Variants in RRN3 observed in about 807,000 individuals in gnomAD.
RRN3 encodes the protein RNA polymerase I transcription factor RRN3, also known as RNA polymerase I-specific transcription initiation factor RRN3.
A neutral mutation model predicts 82.3 loss-of-function variants in RRN3; 38 were observed. The ratio of observed to expected loss-of-function variants is 0.46; its 90% CI spans 0.36 to 0.61. The LOEUF is 0.61. Ranked by LOEUF, RRN3 falls within the 20% of genes least tolerant of loss-of-function variation. The pLI, the probability that RRN3 is intolerant of heterozygous loss-of-function variation, is 0.00. For synonymous variants in RRN3, 284 were observed against 284.3 expected, an observed-to-expected ratio of 1.00 and a Z score of 0.01; for missense variants, 726 against 793.1, an observed-to-expected ratio of 0.92 and a Z score of 1.02.
At chr16:15,075,206 C>T (rs1414808760) in intron 10 of RRN3, among the ~76,000 whole-genome samples, 3 of 144,918 alleles carry the variant, frequency 2.1e-5, no homozygotes, top group East Asian at 4.4e-4. Flanking sequence ...GAGCCGAGTT[C>T]GTGTGCTCCA....
At chr16:15,075,854 TG>T (rs1338190402) in intron 10 of RRN3, among the ~76,000 whole-genome samples, 2 of 152,160 alleles carry the variant, frequency 1.3e-5, no homozygotes, top group Admixed American at 1.3e-4. Context: ...CTGTGAGTAC[TG>T]GCGGCCAATA....
In RRN3 at chr16:15,071,245, C is replaced by T. The variant is rs552069961; in HGVS notation, c.1135G>A (p.Ala379Thr). The T allele has an allele frequency of 1.7e-5, 27 of 1,607,134 alleles. 1 individual carries two copies. In the East Asian group the frequency reaches 2.0e-4, roughly 12 times the overall value. ...FYLCSFKLGFAEAFLEHLWKK... is the reference protein window; with the variant it reads ...FYLCSFKLGFTEAFLEHLWKK... Reference sequence around the variant, plus strand: ...CAGAGATGTTCCAAAAATGCCTCTGCGAATCCCTATAAAAAGAGAGGGCGT... The same window carrying T: ...CAGAGATGTTCCAAAAATGCCTCTGTGAATCCCTATAAAAAGAGAGGGCGT... Residue 379 changes from alanine to threonine, a missense_variant, in exon 13 of 18, where the codon GCA (alanine) becomes ACA (threonine). Coordinates refer to ENST00000198767, the MANE Select transcript of RRN3 (RefSeq NM_018427.5).
intron 13 of RRN3, 85 bp from the exon 14 acceptor site, chr16:15,070,339 A>C: frequency 7.9e-7 from 1 of 1,263,818 alleles, no homozygotes; most frequent in Non-Finnish European, 1.1e-6. Flanking sequence ...CTTTCATTAC[A>C]AACCATGCTA....
In RRN3 at chr16:15,074,722, C is replaced by T; in HGVS notation, c.997+1G>A. 6.2e-7 allele frequency: 1 copy of T among 1,610,612 alleles called. No homozygotes were observed. ...AATAAACAGTAGCTACTGTGATTTA[C>T]CATCTACATAGCAGACATCCTTCAT... On this transcript the variant is annotated splice_donor_variant, in intron 11 of 17. Coordinates refer to ENST00000198767, the MANE Select transcript of RRN3 (RefSeq NM_018427.5). LOFTEE classifies it high-confidence loss of function.
At chr16:15,083,185 G>C (rs928588333) in intron 8 of RRN3, among the ~76,000 whole-genome samples, 1 of 152,208 alleles carries the variant, frequency 6.6e-6, no homozygotes, top group Admixed American at 6.5e-5. Context: ...CAGATCACAA[G>C]GTCAGGCGTT....
chr16:15,069,935 T>G, intron 14 of RRN3, 135 bp downstream of exon 14: 1 of 1,289,960 alleles, frequency 7.8e-7, no homozygotes. Context: ...CTTGAAATTA[T>G]TATTAAAAGT....
At chr16:15,088,585 C>T (rs1363036149) in intron 3 of RRN3, among the ~76,000 whole-genome samples, 3 of 151,860 alleles carry the variant, frequency 2.0e-5, no homozygotes. Context: ...AAGAAAATGT[C>T]CCTTTGTATC....
intron 2 of RRN3, 102 bp downstream of exon 2, chr16:15,092,407 G>T: frequency 5.5e-6 from 4 of 731,328 alleles, no homozygotes. Flanking sequence ...ATTTCAACTG[G>T]TATCTTAATT....
rs1567228583 is a variant in RRN3, at chr16:15,091,317, T to C, written c.250A>G (p.Lys84Glu). 2 of 1,601,726 alleles carry C rather than the reference T, an allele frequency of 1.2e-6. No individual in the cohort carries two copies. The highest frequency in any genetic ancestry group is 1.7e-6 in the Non-Finnish European group (2 of 1,173,236). Residue 84 changes from lysine (K) to glutamate (E), a missense_variant and splice_region_variant, in exon 3 of 18, where the codon AAG becomes GAG. Lys to Glu is a moderately conservative substitution (Grantham distance 56). Coordinates refer to ENST00000198767, the MANE Select transcript of RRN3 (RefSeq NM_018427.5). Reference protein sequence around the residue: ...LKNQLLDPDIKDDQIINWLLE... With the variant: ...LKNQLLDPDIEDDQIINWLLE... ...TGATCAAACACAAAATTAATTACCT[T>C]TATGTCTGGATCTAACAGCTGGTTC...
Position 15,084,723 on chromosome 16 carries a change from C to T in RRN3, c.533-18G>A, listed in dbSNP as rs1308456381. 6.2e-7 allele frequency: 1 copy of T among 1,602,138 alleles called. No homozygotes were observed. Among genetic ancestry groups the T allele is most frequent in the Non-Finnish European group, 8.6e-7 (1 of 1,169,328 alleles). On this transcript the variant is annotated intron_variant, in intron 6 of 17. Coordinates refer to ENST00000198767, the MANE Select transcript of RRN3 (RefSeq NM_018427.5). Reference sequence around the variant, plus strand: ...AGGAAGATCTGAAAGGAGAAAAGTTCAGAGTATGAGCATCAAAACAAAACT... The same window carrying T: ...AGGAAGATCTGAAAGGAGAAAAGTTTAGAGTATGAGCATCAAAACAAAACT...
intron 15 of RRN3, among the ~76,000 whole-genome samples, chr16:15,066,526 G>C (rs1264822747): frequency 5.9e-5 from 9 of 151,706 alleles, no homozygotes. Flanking sequence ...CCAGCTATTC[G>C]GGAGGCTGAG....
chr16:15,073,030 T>C lies in RRN3; in HGVS notation c.1048A>G (p.Ile350Val). The C allele has an allele frequency of 1.9e-6, 3 of 1,613,292 alleles. No homozygotes were observed. In the South Asian group the frequency reaches 3.3e-5, roughly 18 times the overall value. The change falls in exon 12 of 18, where the codon ATC becomes GTC. Residue 350 changes from isoleucine to valine, a missense_variant. This residue lies in a region of RRN3 where 344 missense variants were observed against 394.5 expected (regional missense o/e 0.87). Transcript: ENST00000198767. ...TKDLYRDLIN[I>V]FDKLLLPTHA... ...GTGGGCAACAGGAGTTTGTCAAAGA[T>C]GTTTATCAGGTCGCGATATAGATCC...
intron 14 of RRN3, 65 bp from the exon 15 acceptor site, chr16:15,068,342 T>A: frequency 2.0e-5 from 30 of 1,511,204 alleles, no homozygotes; most frequent in Non-Finnish European, 2.6e-5. Flanking sequence ...TAAGATACTT[T>A]TAAAAGCACA....
intron 7 of RRN3, among the ~76,000 whole-genome samples, chr16:15,083,963 G>A (rs1474313650): frequency 1.6e-4 from 25 of 152,274 alleles, no homozygotes; most frequent in African/African-American, 3.9e-4. Context: ...TGATCCGCCC[G>A]CCTCGGCCTC....
At position 15,091,427 on chromosome 16, in the gene RRN3, C is replaced by T. The variant is rs549369699; in HGVS notation, c.196-56G>A. The T allele has an allele frequency of 2.4e-6, 3 of 1,225,480 alleles. No individual in the cohort carries two copies. The African/African-American group carries it at 4.5e-5, about 18-fold the overall frequency. 75.9% of individuals were successfully genotyped at this position (1,225,480 alleles called of 1,614,324 possible). A position where few individuals can be genotyped will look rare whatever the true frequency, so the allele number is the denominator to read the frequency against. Reference sequence around the variant, plus strand: ...GCTTTTGTTTCCTGTTTAGTATCAACAGCAAGACTTTTAACCGTACTTTAA... The same window carrying T: ...GCTTTTGTTTCCTGTTTAGTATCAATAGCAAGACTTTTAACCGTACTTTAA... On this transcript the variant is annotated intron_variant, in intron 2 of 17. Transcript: ENST00000198767.
Position 15,080,087 on chromosome 16 carries a change from C to A in RRN3, c.676G>T (p.Val226Phe), listed in dbSNP as rs774898397. Residue 226 changes from valine to phenylalanine, a missense_variant, in exon 9 of 18, where the codon GTT becomes TTT. Val to Phe is a conservative substitution (Grantham distance 50). Transcript: ENST00000198767. ...ACACTAATCCTTAGTAAGTTATGAACGTAACATTCCTAAAGGAGAAAATGT... is the reference window on the plus strand; with the variant it reads ...ACACTAATCCTTAGTAAGTTATGAAAGTAACATTCCTAAAGGAGAAAATGT... ...RKSERTLECY[V>F]HNLLRISVYF... is the part of the protein sequence containing the mutation. 6.3e-7 allele frequency: 1 copy of A among 1,595,990 alleles called. No individual in the cohort carries two copies. The highest frequency in any genetic ancestry group is 8.5e-7 in the Non-Finnish European group (1 of 1,172,090).
At chr16:15,068,331 G>A in intron 14 of RRN3, 54 bp from the exon 15 acceptor site, 2 of 1,521,462 alleles carry the variant, frequency 1.3e-6, no homozygotes, top group Non-Finnish European at 1.8e-6. Context: ...AGTGAAAAGT[G>A]TAAGATACTT....
In RRN3 at chr16:15,061,858, G is replaced by A; in HGVS notation, c.1842C>T (p.Pro614=). 6.2e-7 allele frequency: 1 copy of A among 1,613,712 alleles called. No homozygotes were observed. Among genetic ancestry groups the A allele is most frequent in the South Asian group, 1.1e-5 (1 of 91,072 alleles). The stretch of plus-strand genomic sequence containing the variant: ...TGATCCCAATCACGGTATCATTCTG[G>A]GGCACTTCGCCTTTCAGAAAGTCAT... ...EDDDFLKGEV[P]QNDTVIGITP... is the part of the protein sequence containing the mutation. The change falls in exon 18 of 18, where the codon CCC becomes CCT. Residue 614 remains proline (P), a synonymous_variant. Transcript: ENST00000198767.
intron 15 of RRN3, among the ~76,000 whole-genome samples, chr16:15,066,153 G>A (rs1172334893): frequency 2.0e-5 from 3 of 152,114 alleles, no homozygotes; most frequent in Non-Finnish European, 4.4e-5. Flanking sequence ...TGTTAGCCAA[G>A]GCTCACAGCA....
Sources: allele counts gnomAD v4.1 joint callset (sites outside exome capture counted in the v4.1 genomes callset), GRCh38; gene constraint gnomAD v4.1.1; regional missense constraint gnomAD v4.1.1; transcripts MANE v1.5; gene names NCBI Gene and HGNC (gene_info 2026-07-23, HGNC 2026-07-21).